The following PTPRN2 variants were observed in gnomAD, a reference collection of about 807,000 sequenced individuals.
The protein encoded by PTPRN2 is protein tyrosine phosphatase receptor type N2.
A neutral mutation model predicts 118.8 loss-of-function variants in PTPRN2; 74 were observed. The ratio of observed to expected loss-of-function variants is 0.62; its 90% CI spans 0.52 to 0.76. PTPRN2 has a LOEUF of 0.76. PTPRN2 is among the 30% of genes least tolerant of loss of function. The pLI is 0.00. For synonymous variants in PTPRN2, 641 were observed against 608.0 expected (o/e 1.05, Z -0.80); for missense variants, 1,481 against 1,394.4 (o/e 1.06, Z -0.99).
In PTPRN2 at chr7:158,523,143, G is replaced by A. The variant is rs142769824; in HGVS notation, c.113-33358C>T. Among the ~76,000 whole-genome samples the A allele has an allele frequency of 1.4e-3, 213 of 152,284 alleles. 1 individual carries two copies. The highest frequency in any genetic ancestry group is 9.3e-3 in the East Asian group (48 of 5,168). On this transcript the variant is annotated intron_variant, in intron 1 of 22. Coordinates refer to ENST00000389418, the MANE Select transcript of PTPRN2 (RefSeq NM_002847.5). ...CCAGGGTGTGACTCTTGGGGTCCAG[G>A]AGGGGACATCACAGGAAGCACAAGT...
Position 158,390,401 on chromosome 7 carries a change from C to G in PTPRN2, c.164-73469G>C, listed in dbSNP as rs941786425. Among the ~76,000 whole-genome samples, 10 of 152,332 alleles carry G rather than the reference C, an allele frequency of 6.6e-5. No homozygotes were observed. In the East Asian group the frequency reaches 1.9e-3, roughly 29 times the overall value. On this transcript the variant is annotated intron_variant, in intron 2 of 22. Transcript: ENST00000389418. ...GAAACACATTTGCCTTCAAAGAACACGTAAAGTGGAATCAGCAGCCAGACG... is the reference window on the plus strand; with the variant it reads ...GAAACACATTTGCCTTCAAAGAACAGGTAAAGTGGAATCAGCAGCCAGACG...
At chr7:157,786,795 C>T (rs193067118) in intron 12 of PTPRN2, among the ~76,000 whole-genome samples, 7 of 152,400 alleles carry the variant, frequency 4.6e-5, no homozygotes, top group Admixed American at 2.0e-4. Context: ...AGAACCTCAG[C>T]CTGCTGTGGT....
At chr7:158,332,786 G>C (rs1430484169) in intron 2 of PTPRN2, among the ~76,000 whole-genome samples, 1 of 149,550 alleles carries the variant, frequency 6.7e-6, no homozygotes, top group East Asian at 2.0e-4. Context: ...CTCACCATAA[G>C]AGCTGATGCC....
At chr7:157,669,519 C>T (rs994320622) in intron 13 of PTPRN2, 10 of 487,692 alleles carry the variant, frequency 2.1e-5, no homozygotes, top group African/African-American at 5.9e-5. Context: ...TCCTGACACA[C>T]GACGACACCC....
intron 3 of PTPRN2, among the ~76,000 whole-genome samples, chr7:158,296,548 G>A (rs981445589): frequency 1.5e-4 from 23 of 152,296 alleles, no homozygotes; most frequent in East Asian, 3.9e-4. Flanking sequence ...AACACAAGCC[G>A]CCCACAGACG....
At position 158,408,994 on chromosome 7, in the gene PTPRN2, A is replaced by G. The variant is rs944732969; in HGVS notation, c.163+80741T>C. On this transcript the variant is annotated intron_variant, in intron 2 of 22. Transcript: ENST00000389418. The stretch of plus-strand genomic sequence containing the variant: ...TTCTAGTAATGACTTTGCTCTCCTT[A>G]ATTAAAAAAAAAAAAAAATCAAAAG... 8.6e-5 allele frequency among the ~76,000 whole-genome samples: 10 copies of G among 116,780 alleles called. No individual in the cohort carries two copies. In the South Asian group the frequency reaches 3.3e-3, roughly 39 times the overall value. The allele number at this position is 116,780 out of a possible 152,430, so 76.6% of individuals were successfully genotyped here.
intron 21 of PTPRN2, among the ~76,000 whole-genome samples, chr7:157,556,467 A>C (rs1798889121): frequency 6.7e-6 from 1 of 148,312 alleles, no homozygotes; most frequent in African/African-American, 2.5e-5. Flanking sequence ...ACTCACACCC[A>C]CACTCATGTC....
chr7:158,169,905 T>A (rs772746680), intron 5 of PTPRN2, among the ~76,000 whole-genome samples: 24 of 151,884 alleles, frequency 1.6e-4, no homozygotes, highest in Non-Finnish European at 3.1e-4. Context: ...TTGGCCAGGC[T>A]GGTCTCGAAC....
At position 157,637,663 on chromosome 7, in the gene PTPRN2, C is replaced by T. The variant is rs1437311434; in HGVS notation, c.2197-16154G>A. ...GAGACCAGACTCCTTTGCTGGCACCCGACCCAGGAGAAGCAGCCCAGAGGG... is the reference window on the plus strand; with the variant it reads ...GAGACCAGACTCCTTTGCTGGCACCTGACCCAGGAGAAGCAGCCCAGAGGG... On this transcript the variant is annotated intron_variant, in intron 14 of 22. Transcript: ENST00000389418. 3.3e-5 allele frequency among the ~76,000 whole-genome samples: 5 copies of T among 152,260 alleles called. No homozygotes were observed. The South Asian group carries it at 6.2e-4, about 19-fold the overall frequency.
At chr7:157,649,892 G>A (rs1383138242) in intron 14 of PTPRN2, among the ~76,000 whole-genome samples, 3 of 74,008 alleles carry the variant, frequency 4.1e-5, no homozygotes, top group African/African-American at 1.2e-4. Flanking sequence ...TCGGTGGGTC[G>A]GACCCATCCA....
intron 21 of PTPRN2, among the ~76,000 whole-genome samples, chr7:157,561,178 C>G (rs1313494904): frequency 6.6e-6 from 1 of 151,348 alleles, no homozygotes; most frequent in Non-Finnish European, 1.5e-5. Flanking sequence ...TCTCCCCGCC[C>G]TCTGGTTCTG....
At chr7:158,377,991 C>A (rs755678825) in intron 2 of PTPRN2, among the ~76,000 whole-genome samples, 4 of 152,174 alleles carry the variant, frequency 2.6e-5, no homozygotes, top group Admixed American at 2.0e-4. Flanking sequence ...GGCGCTAGCT[C>A]CGGGTTTTCT....
intron 15 of PTPRN2, among the ~76,000 whole-genome samples, chr7:157,608,243 T>A (rs1802121175): frequency 6.6e-6 from 1 of 152,144 alleles, no homozygotes; most frequent in African/African-American, 2.4e-5. Context: ...AATTTTTGTA[T>A]TTTTAGTAGA....
At chr7:157,788,569 A>T (rs961581924) in intron 12 of PTPRN2, among the ~76,000 whole-genome samples, 2 of 152,136 alleles carry the variant, frequency 1.3e-5, no homozygotes, top group Non-Finnish European at 2.9e-5. Flanking sequence ...ACGACCTCTT[A>T]GTCGTCACCC....
intron 12 of PTPRN2, among the ~76,000 whole-genome samples, chr7:157,814,621 A>G (rs892536907): frequency 6.6e-6 from 1 of 151,908 alleles, no homozygotes; most frequent in African/African-American, 2.4e-5. Context: ...CTCCAATCCC[A>G]TATGGGGCCA....
chr7:158,071,096 G>A (rs1301259156), intron 11 of PTPRN2, among the ~76,000 whole-genome samples: 8 of 104,364 alleles, frequency 7.7e-5, no homozygotes, highest in Admixed American at 4.5e-4. Context: ...CGTGGTGGTG[G>A]AGGTGCTCGT....
intron 2 of PTPRN2, among the ~76,000 whole-genome samples, chr7:158,486,738 C>A (rs1363275187): frequency 6.6e-6 from 1 of 152,218 alleles, no homozygotes; most frequent in Non-Finnish European, 1.5e-5. Flanking sequence ...TGTGCAGAGG[C>A]TGCAGTTTCA....
At chr7:158,363,086 C>T (rs1377785306) in intron 2 of PTPRN2, among the ~76,000 whole-genome samples, 1 of 152,178 alleles carries the variant, frequency 6.6e-6, no homozygotes, top group Non-Finnish European at 1.5e-5. Context: ...GGACAGGACC[C>T]GTGGAGCACC....
chr7:157,658,511 G>A (rs944432929), intron 13 of PTPRN2, among the ~76,000 whole-genome samples: 4 of 152,142 alleles, frequency 2.6e-5, no homozygotes, highest in East Asian at 1.9e-4. Flanking sequence ...AACCACACAC[G>A]CGGTGGGCAT....
Sources: allele counts gnomAD v4.1 joint callset (sites outside exome capture counted in the v4.1 genomes callset), GRCh38; gene constraint gnomAD v4.1.1; transcripts MANE v1.5; gene names NCBI Gene and HGNC (gene_info 2026-07-23, HGNC 2026-07-21).